SLC7A11: variants seen among roughly 807,000 people sequenced by gnomAD.
The protein encoded by SLC7A11 is cystine/glutamate transporter.
SLC7A11 carries 35 observed loss-of-function variants against 54.5 expected under a neutral mutation model. The ratio of observed to expected loss-of-function variants is 0.64; its 90% CI spans 0.49 to 0.85. SLC7A11 has a LOEUF of 0.85. SLC7A11 is among the 40% of genes least tolerant of loss of function. The probability of loss-of-function intolerance (pLI) is 0.00; values close to 1 mark genes in which losing one functional copy is unlikely to be tolerated. For synonymous variants in SLC7A11, 230 were observed against 225.2 expected (o/e 1.02, Z -0.19); for missense variants, 583 against 618.1 (o/e 0.94, Z 0.60).
chr4:138,177,985 C>A (rs558793076), intron 11 of SLC7A11: 2 of 152,090 alleles, frequency 1.3e-5, no homozygotes, highest in Non-Finnish European at 2.9e-5. Context: ...TCCTCATAAC[C>A]CCCAGGGTGA....
intron 6 of SLC7A11, among the ~76,000 whole-genome samples, chr4:138,202,569 A>G (rs987356148): frequency 6.6e-6 from 1 of 152,012 alleles, no homozygotes; most frequent in African/African-American, 2.4e-5. Flanking sequence ...TGTCCCTAAG[A>G]CAGATATTCT....
chr4:138,187,591 T>C (rs942134907), intron 6 of SLC7A11, among the ~76,000 whole-genome samples: 1 of 152,162 alleles, frequency 6.6e-6, no homozygotes, highest in Admixed American at 6.5e-5. Flanking sequence ...TCAACTCTAT[T>C]ACTTTTAAGG....
At position 138,167,504 on chromosome 4, in the gene SLC7A11, G is replaced by C. The variant is rs1466693496; in HGVS notation, c.*4452C>G. 1 of 152,078 alleles carries C rather than the reference G, an allele frequency of 6.6e-6. No homozygotes were observed. The highest frequency in any genetic ancestry group is 2.4e-5 in the African/African-American group (1 of 41,408). The allele number at this position is 152,078 out of a possible 1,614,324, so 9.4% of individuals were successfully genotyped here. ...ACTAATAAACTAAGGACTACCTAGA[G>C]ATCACACTTTTAGATATTATCTATT... is the stretch of plus-strand genomic sequence containing the variant. On this transcript the variant is annotated 3_prime_UTR_variant, in exon 12 of 12. Transcript: ENST00000280612.
intron 5 of SLC7A11, among the ~76,000 whole-genome samples, chr4:138,216,851 G>A (rs1737693026): frequency 6.6e-6 from 1 of 152,172 alleles, no homozygotes; most frequent in Non-Finnish European, 1.5e-5. Context: ...AGCATAGGGA[G>A]TGGAGAATCA....
rs894797668 is a variant in SLC7A11, at chr4:138,165,789, G to T, written c.*6167C>A. ...AACCCAGTTCTTAAGACTTAAGTAG[G>T]AAATTTATAGAAATTTGATTTATAC... On this transcript the variant is annotated 3_prime_UTR_variant, in exon 12 of 12. Transcript: ENST00000280612. 6.6e-6 allele frequency: 1 copy of T among 152,072 alleles called. No homozygotes were observed. Among genetic ancestry groups the T allele is most frequent in the South Asian group, 2.1e-4 (1 of 4,832 alleles). The allele number at this position is 152,072 out of a possible 1,614,324, so 9.4% of individuals were successfully genotyped here.
intron 1 of SLC7A11, among the ~76,000 whole-genome samples, chr4:138,237,232 C>T (rs1738234639): frequency 6.6e-6 from 1 of 151,866 alleles, no homozygotes; most frequent in South Asian, 2.1e-4. Context: ...CATGATCTGC[C>T]CGCCTTGGTC....
chr4:138,237,713 ATATATATATATATATATATATATATTT>A (rs1560742417), intron 1 of SLC7A11, among the ~76,000 whole-genome samples: 2 of 5,710 alleles, frequency 3.5e-4, no homozygotes, highest in African/African-American at 1.1e-3. Flanking sequence ...ATATATATAT[ATATATATATATATATATATATATATTT>A]TTTTTTTTTT....
At chr4:138,191,331 A>G (rs558395875) in intron 6 of SLC7A11, among the ~76,000 whole-genome samples, 9 of 152,310 alleles carry the variant, frequency 5.9e-5, no homozygotes, top group Admixed American at 2.0e-4. Context: ...TTAAATTTCA[A>G]TACCACTGAT....
chr4:138,169,139 A>G lies in SLC7A11; in HGVS notation c.*2817T>C, dbSNP rs1283792748. ...ATAAACATTTGAATATGCATGGTACAAAGTACAAGTACAGAACATGTAGTA... is the reference window on the plus strand; with the variant it reads ...ATAAACATTTGAATATGCATGGTACGAAGTACAAGTACAGAACATGTAGTA... On this transcript the variant is annotated 3_prime_UTR_variant, in exon 12 of 12. Coordinates refer to ENST00000280612, the MANE Select transcript of SLC7A11 (RefSeq NM_014331.4). 6.6e-6 allele frequency: 1 copy of G among 152,144 alleles called. No individual in the cohort carries two copies. The highest frequency in any genetic ancestry group is 2.4e-5 in the African/African-American group (1 of 41,468). 9.4% of individuals were successfully genotyped at this position (152,144 alleles called of 1,614,324 possible).
At position 138,167,940 on chromosome 4, in the gene SLC7A11, ATGAAAG is replaced by A. The variant is rs1197568831; in HGVS notation, c.*4010_*4015del. On this transcript the variant is annotated 3_prime_UTR_variant, in exon 12 of 12. Coordinates refer to ENST00000280612, the MANE Select transcript of SLC7A11 (RefSeq NM_014331.4). ...GTTCAGAATCAACGTATAAAATATG[ATGAAAG>A]TGAAACTATCTCCCTATATATCACA... is the stretch of plus-strand genomic sequence containing the variant. 3 of 152,218 alleles carry A rather than the reference ATGAAAG, an allele frequency of 2.0e-5. No individual in the cohort carries two copies. The highest frequency in any genetic ancestry group is 3.2e-3 in the Middle Eastern group (1 of 316). 9.4% of individuals were successfully genotyped at this position (152,218 alleles called of 1,614,324 possible).
chr4:138,231,508 G>A (rs1738078824), intron 3 of SLC7A11, among the ~76,000 whole-genome samples: 1 of 152,048 alleles, frequency 6.6e-6, no homozygotes, highest in Non-Finnish European at 1.5e-5. Context: ...GCTAAAACTC[G>A]GTTAAATGTG....
intron 3 of SLC7A11, among the ~76,000 whole-genome samples, chr4:138,229,129 C>T (rs7666936): frequency 0.72 from 109,153 of 151,988 alleles, 40,921 homozygotes; most frequent in Middle Eastern, 0.85. Context: ...CAAATGACCA[C>T]GAACTGTTTC....
intron 6 of SLC7A11, among the ~76,000 whole-genome samples, chr4:138,186,416 C>T (rs2148416155): frequency 6.6e-6 from 1 of 152,282 alleles, no homozygotes; most frequent in South Asian, 2.1e-4. Context: ...AGTCCCAGCA[C>T]ATTATACCGA....
intron 3 of SLC7A11, among the ~76,000 whole-genome samples, chr4:138,224,798 AGAAGGAAGGAAGGATGAAAG>A (rs1176034682): frequency 7.5e-6 from 1 of 132,488 alleles, no homozygotes; most frequent in Admixed American, 8.3e-5. Flanking sequence ...AAGAAGGAAA[AGAAGGAAGGAAGGATGAAAG>A]GAAGGAAGGA....
In SLC7A11 at chr4:138,242,204, G is replaced by T. The variant is rs1738400543; in HGVS notation, c.-135C>A. On this transcript the variant is annotated 5_prime_UTR_variant, in exon 1 of 12. Transcript: ENST00000280612. ...TCTCTCAGCGCTATAGTGTTCACAG[G>T]TGAAAACTCAAAGGTGTGCTTTTTC... is the stretch of plus-strand genomic sequence containing the variant. The T allele has an allele frequency of 1.9e-6, 2 of 1,029,850 alleles. No homozygotes were observed. The highest frequency in any genetic ancestry group is 1.6e-5 in the South Asian group (1 of 60,958). 63.8% of individuals were successfully genotyped at this position (1,029,850 alleles called of 1,614,324 possible).
intron 5 of SLC7A11, among the ~76,000 whole-genome samples, chr4:138,216,127 G>A (rs544530970): frequency 5.9e-5 from 9 of 152,228 alleles, no homozygotes; most frequent in African/African-American, 2.2e-4. Flanking sequence ...AACACTTCAA[G>A]GACTCTAGCG....
chr4:138,202,516 C>T (rs1230573450), intron 6 of SLC7A11, among the ~76,000 whole-genome samples: 1 of 152,104 alleles, frequency 6.6e-6, no homozygotes, highest in Admixed American at 6.6e-5. Context: ...ATGGCCATAG[C>T]ATCCCTTTCT....
intron 6 of SLC7A11, among the ~76,000 whole-genome samples, chr4:138,199,112 A>G (rs1393076473): frequency 1.3e-5 from 2 of 152,152 alleles, no homozygotes; most frequent in African/African-American, 4.8e-5. Flanking sequence ...AATACATTAT[A>G]TAACACCAAA....
At position 138,219,336 on chromosome 4, in the gene SLC7A11, A is replaced by C; in HGVS notation, c.676T>G (p.Ser226Ala). Reference protein sequence around the residue: ...GQTQNFKDAFSGRDSSITRLP... With the variant: ...GQTQNFKDAFAGRDSSITRLP... ...CGCGTAATACTTGAATCTCTTCCTG[A>C]AAAGGCGTCTTTAAAGTTCTGCGTT... is the stretch of plus-strand genomic sequence containing the variant. The change falls in exon 5 of 12, where the codon TCA becomes GCA. Residue 226 changes from serine to alanine, a missense_variant. Ser to Ala is a moderately conservative substitution (Grantham distance 99). Coordinates refer to ENST00000280612, the MANE Select transcript of SLC7A11 (RefSeq NM_014331.4). 6.2e-7 allele frequency: 1 copy of C among 1,609,890 alleles called. No homozygotes were observed. Among genetic ancestry groups the C allele is most frequent in the Non-Finnish European group, 8.5e-7 (1 of 1,176,372 alleles).
Sources: allele counts gnomAD v4.1 joint callset (sites outside exome capture counted in the v4.1 genomes callset), GRCh38; gene constraint gnomAD v4.1.1; transcripts MANE v1.5; gene names NCBI Gene and HGNC (gene_info 2026-07-23, HGNC 2026-07-21).